Variants in THNSL1 observed in about 807,000 individuals in gnomAD.
The protein encoded by THNSL1 is threonine synthase-like 1.
A neutral mutation model predicts 50.4 loss-of-function variants in THNSL1; 48 were observed. That is an observed-to-expected ratio of 0.95 (90% CI 0.76 to 1.21). The LOEUF (loss-of-function observed/expected upper bound fraction) is 1.21. Among genes scored for constraint, THNSL1 ranks in the 50% most tolerant of loss-of-function variants. The probability of loss-of-function intolerance (pLI) is 0.00; values close to 1 mark genes in which losing one functional copy is unlikely to be tolerated. For synonymous variants in THNSL1, 309 were observed against 306.1 expected (o/e 1.01, Z -0.10); for missense variants, 896 against 871.7 (o/e 1.03, Z -0.35).
chr10:24,984,693 TC>T, the THNSL1 span: 1 of 1,521,820 alleles, frequency 6.6e-7, no homozygotes. Context: ...CATGTTTTTT[TC>T]CCCTACATTG....
chr10:24,975,968 GGAAA>G, the THNSL1 span, among the ~76,000 whole-genome samples: 1 of 152,226 alleles, frequency 6.6e-6, no homozygotes, highest in Admixed American at 6.5e-5. Context: ...CTAAGTGATG[GGAAA>G]GATTGTTAGG....
At chr10:24,984,379 G>GCA in the THNSL1 span, 3 of 1,423,582 alleles carry the variant, frequency 2.1e-6, no homozygotes, top group Non-Finnish European at 2.8e-6. Flanking sequence ...ATCATGCGCT[G>GCA]CAGAAAAAAA....
At position 25,024,985 on chromosome 10, in the gene THNSL1, AC is replaced by A. The variant is rs1197173518; in HGVS notation, c.1763del (p.Thr588LysfsTer7). On this transcript the variant is annotated frameshift_variant, in exon 3 of 3. Coordinates refer to ENST00000376356, the MANE Select transcript of THNSL1 (RefSeq NM_024838.5). LOFTEE classifies it high-confidence loss of function. The stretch of plus-strand genomic sequence containing the variant: ...GGCTAATAAAGATGGACAGCTAATG[AC>A]AGAATTATTTAATCGATTAGAAAGT... The part of the protein sequence containing the change: ...LMANKDGQLM[T>X]ELFNRLESQH... The A allele has an allele frequency of 6.2e-7, 1 of 1,614,224 alleles. No individual in the cohort carries two copies. Among genetic ancestry groups the A allele is most frequent in the East Asian group, 2.2e-5 (1 of 44,886 alleles).
the THNSL1 span, among the ~76,000 whole-genome samples, chr10:25,004,422 C>A: frequency 1.3e-5 from 2 of 152,120 alleles, no homozygotes; most frequent in Non-Finnish European, 2.9e-5. Flanking sequence ...TTTTTCTCCA[C>A]AACCTCACCA....
At chr10:24,958,840 C>T in the THNSL1 span, among the ~76,000 whole-genome samples, 4 of 152,210 alleles carry the variant, frequency 2.6e-5, no homozygotes, top group Non-Finnish European at 5.9e-5. Context: ...ACTATCTCCC[C>T]TTCTGACCGG....
At chr10:24,990,867 G>C in the THNSL1 span, among the ~76,000 whole-genome samples, 10 of 143,132 alleles carry the variant, frequency 7.0e-5, no homozygotes, top group Non-Finnish European at 1.0e-4. Flanking sequence ...GCTGAGGGGT[G>C]GGGGGGTGGA....
At chr10:24,961,825 G>T in the THNSL1 span, among the ~76,000 whole-genome samples, 1 of 152,148 alleles carries the variant, frequency 6.6e-6, no homozygotes, top group Admixed American at 6.5e-5. Context: ...TCCAACTCAG[G>T]CAGACTCAGC....
Position 25,025,349 on chromosome 10 carries a change from TAGAG to T in THNSL1, c.2130_2133del (p.Arg711GlnfsTer16), listed in dbSNP as rs139207606. On this transcript the variant is annotated frameshift_variant, in exon 3 of 3. Transcript: ENST00000376356. LOFTEE classifies it high-confidence loss of function. ...TTACCTCCACTGCATGAGGCTTTAT[TAGAG>T]AGAACAAAACAGCAAGAGAAGATGG... 3.1e-4 allele frequency: 500 copies of T among 1,614,200 alleles called. 2 individuals are homozygous for T. The highest frequency in any genetic ancestry group is 1.3e-3 in the Middle Eastern group (8 of 6,062).
chr10:24,957,464 A>ATGTTTGTTTGTTTGTT, the THNSL1 span, among the ~76,000 whole-genome samples: 1 of 150,588 alleles, frequency 6.6e-6, no homozygotes, highest in African/African-American at 2.4e-5. Flanking sequence ...TTTTGAGTTG[A>ATGTTTGTTTGTTTGTT]TGTTTGTTTG....
Position 25,024,798 on chromosome 10 carries a change from C to A in THNSL1, c.1575C>A (p.Ile525=), listed in dbSNP as rs1850810250. The stretch of plus-strand genomic sequence containing the variant: ...CAGTGTATGCCAAAATGATGGGAAT[C>A]CCGATTCGAAAATTTATCTGTGCCT... The part of the protein sequence containing the change: ...LAAVYAKMMG[I]PIRKFICASN... The change falls in exon 3 of 3, where the codon ATC becomes ATA. Residue 525 remains isoleucine (I), a synonymous_variant. Transcript: ENST00000376356. 16 of 1,614,154 alleles carry A rather than the reference C, an allele frequency of 9.9e-6. No homozygotes were observed. Among genetic ancestry groups the A allele is most frequent in the Non-Finnish European group, 1.3e-5 (15 of 1,180,032 alleles).
chr10:25,025,317 C>T lies in THNSL1; in HGVS notation c.2094C>T (p.Tyr698=). Residue 698 remains tyrosine (Y), a synonymous_variant, in exon 3 of 3, where the codon TAC becomes TAT. Coordinates refer to ENST00000376356, the MANE Select transcript of THNSL1 (RefSeq NM_024838.5). Reference sequence around the variant, plus strand: ...GTCAGCTCTATTTGCTGGGTTCATACAATGCATTACCTCCACTGCATGAGG... The same window carrying T: ...GTCAGCTCTATTTGCTGGGTTCATATAATGCATTACCTCCACTGCATGAGG... ...SSSQLYLLGS[Y]NALPPLHEAL... 6.2e-7 allele frequency: 1 copy of T among 1,614,158 alleles called. No homozygotes were observed. The highest frequency in any genetic ancestry group is 8.5e-7 in the Non-Finnish European group (1 of 1,180,034).
At chr10:24,973,710 T>G in the THNSL1 span, among the ~76,000 whole-genome samples, 1 of 152,142 alleles carries the variant, frequency 6.6e-6, no homozygotes, top group Non-Finnish European at 1.5e-5. Flanking sequence ...ATTATGACAA[T>G]TAATTGTTAG....
the THNSL1 span, chr10:24,982,585 G>T: frequency 6.6e-6 from 1 of 152,216 alleles, no homozygotes; most frequent in Admixed American, 6.5e-5. Flanking sequence ...AAGAGAGAGA[G>T]AATCTGATCA....
Position 25,023,546 on chromosome 10 carries a change from A to G in THNSL1, c.323A>G (p.Asn108Ser). 1 of 1,614,148 alleles carries G rather than the reference A, an allele frequency of 6.2e-7. No homozygotes were observed. The highest frequency in any genetic ancestry group is 1.1e-5 in the South Asian group (1 of 91,074). The change falls in exon 3 of 3, where the codon AAT becomes AGT. Residue 108 changes from asparagine to serine, a missense_variant. Asn to Ser is a conservative substitution (Grantham distance 46). Coordinates refer to ENST00000376356, the MANE Select transcript of THNSL1 (RefSeq NM_024838.5). Reference sequence around the variant, plus strand: ...TCTGAAAAATTACAGGATGTTGGTAATGAGCAATTTTTAGAAGAGGAAGGA... The same window carrying G: ...TCTGAAAAATTACAGGATGTTGGTAGTGAGCAATTTTTAGAAGAGGAAGGA... The part of the protein sequence containing the change: ...SVSEKLQDVG[N>S]EQFLEEEGKA...
At chr10:24,954,404 T>C in the THNSL1 span, among the ~76,000 whole-genome samples, 3 of 151,956 alleles carry the variant, frequency 2.0e-5, no homozygotes. Context: ...TGAGGCTCAG[T>C]GTGGGTGCAG....
upstream of THNSL1, chr10:25,016,234 C>A: frequency 9.4e-7 from 1 of 1,063,256 alleles, no homozygotes; most frequent in Non-Finnish European, 1.2e-6. Flanking sequence ...CCCCTCTTCC[C>A]TCTTTCTGCA....
chr10:24,998,962 G>A, the THNSL1 span, among the ~76,000 whole-genome samples: 108 of 152,200 alleles, frequency 7.1e-4, no homozygotes, highest in African/African-American at 2.4e-3. Context: ...GTAAAAGCCC[G>A]TACTCAAAAT....
rs1242267450 is a variant in THNSL1, at chr10:25,024,478, C to G, written c.1255C>G (p.Gln419Glu). The G allele has an allele frequency of 1.2e-6, 2 of 1,614,136 alleles. No homozygotes were observed. Among genetic ancestry groups the G allele is most frequent in the South Asian group, 1.1e-5 (1 of 91,092 alleles). The change falls in exon 3 of 3, where the codon CAA becomes GAA. Residue 419 changes from glutamine (Q) to glutamate (E), a missense_variant. Coordinates refer to ENST00000376356, the MANE Select transcript of THNSL1 (RefSeq NM_024838.5). ...TGGAGTAAGTGATTTTCAAAAAGCA[C>G]AAATAATTGGCAGTCAGAGAGAAAA... ...ENGVSDFQKA[Q>E]IIGSQRENGW...
rs200525087 is a variant in THNSL1 at position 25,023,446 on chromosome 10, A to G, written c.223A>G (p.Ile75Val). Reference protein sequence around the residue: ...GAGKTTVGRIIGQKLGCCVID... With the variant: ...GAGKTTVGRIVGQKLGCCVID... ...TGGGAAAACAACAGTAGGCAGAATAATAGGTCAGAAACTAGGTTGTTGTGT... is the reference window on the plus strand; with the variant it reads ...TGGGAAAACAACAGTAGGCAGAATAGTAGGTCAGAAACTAGGTTGTTGTGT... The change falls in exon 3 of 3, where the codon ATA becomes GTA. Residue 75 changes from isoleucine to valine, a missense_variant. Physicochemically the swap from Ile to Val is conservative, Grantham distance 29. Transcript: ENST00000376356. The G allele has an allele frequency of 1.2e-6, 2 of 1,614,172 alleles. No homozygotes were observed. The highest frequency in any genetic ancestry group is 2.2e-5 in the East Asian group (1 of 44,870).
Sources: gnomAD v4.1 joint callset for allele counts (sites outside exome capture counted in the v4.1 genomes callset) on GRCh38, gnomAD v4.1.1 for gene constraint, MANE v1.5 for transcripts, NCBI Gene and HGNC (gene_info 2026-07-23, HGNC 2026-07-21) for gene names.